Variants in MALRD1 observed in about 807,000 individuals in gnomAD.
The protein encoded by MALRD1 is MAM and LDL receptor class A domain containing 1.
MALRD1 carries 247 observed loss-of-function variants against 242.1 expected under a neutral mutation model. The ratio of observed to expected loss-of-function variants is 1.02; its 90% CI spans 0.92 to 1.13. MALRD1 has a LOEUF of 1.13. Among genes scored for constraint, MALRD1 ranks in the 50% most tolerant of loss-of-function variants. The probability of loss-of-function intolerance (pLI) is 0.00; values close to 1 mark genes in which losing one functional copy is unlikely to be tolerated. For synonymous variants in MALRD1, 995 were observed against 866.6 expected (o/e 1.15, Z -2.60); for missense variants, 2,989 against 2,533.1 (o/e 1.18, Z -3.86).
At chr10:19,556,314 C>T (rs1028014977) in intron 32 of MALRD1, among the ~76,000 whole-genome samples, 7 of 152,088 alleles carry the variant, frequency 4.6e-5, no homozygotes, top group African/African-American at 1.4e-4. Flanking sequence ...TTATAGTTTA[C>T]ACTAGGGCTT....
At chr10:19,295,911 A>G (rs1166585925) in intron 21 of MALRD1, among the ~76,000 whole-genome samples, 1 of 152,184 alleles carries the variant, frequency 6.6e-6, no homozygotes, top group East Asian at 1.9e-4. Flanking sequence ...ACAAATTCCC[A>G]GGTGATGCTG....
intron 26 of MALRD1, among the ~76,000 whole-genome samples, chr10:19,381,673 C>CAA (rs542568281): frequency 1.6e-3 from 195 of 118,574 alleles, no homozygotes; most frequent in African/African-American, 5.1e-3. Context: ...ACTAAAAATA[C>CAA]AAAAAAAAAA....
rs146252053 is a variant in MALRD1 at position 19,128,474 on chromosome 10, C to T, written c.1110+87C>T. On this transcript the variant is annotated intron_variant, in intron 8 of 39. Transcript: ENST00000454679. The stretch of plus-strand genomic sequence containing the variant: ...AACTTGTGTTTCGATTTCTCAGTTG[C>T]GCATAGGCTTTTATTCTTTAACTTG... 6.0e-5 allele frequency: 52 copies of T among 868,666 alleles called. No individual in the cohort carries two copies. In the East Asian group the frequency reaches 1.0e-3, roughly 17 times the overall value. 53.8% of individuals were successfully genotyped at this position (868,666 alleles called of 1,614,324 possible).
chr10:19,522,285 C>T (rs1833916593), intron 31 of MALRD1, among the ~76,000 whole-genome samples: 1 of 152,004 alleles, frequency 6.6e-6, no homozygotes, highest in Non-Finnish European at 1.5e-5. Context: ...CTTCATTGTA[C>T]CATTGTTTTG....
At chr10:19,345,853 A>C (rs1844097088) in intron 24 of MALRD1, among the ~76,000 whole-genome samples, 1 of 152,054 alleles carries the variant, frequency 6.6e-6, no homozygotes, top group Admixed American at 6.6e-5. Flanking sequence ...GGTGTAATAA[A>C]GTTAGCTTAC....
At chr10:19,607,364 C>T (rs74122021) in intron 34 of MALRD1, among the ~76,000 whole-genome samples, 2,052 of 152,230 alleles carry the variant, frequency 0.013, 34 homozygotes, top group African/African-American at 0.047. Flanking sequence ...CCTTGGCTTA[C>T]AGATGGCTGC....
At chr10:19,282,221 T>A (rs1840851256) in intron 20 of MALRD1, among the ~76,000 whole-genome samples, 1 of 152,164 alleles carries the variant, frequency 6.6e-6, no homozygotes, top group South Asian at 2.1e-4. Flanking sequence ...TTAATGTTTG[T>A]TTAGATTAAC....
intron 38 of MALRD1, among the ~76,000 whole-genome samples, chr10:19,713,541 G>T (rs1834242193): frequency 6.6e-6 from 1 of 152,214 alleles, no homozygotes; most frequent in South Asian, 2.1e-4. Flanking sequence ...TACATAGGTT[G>T]TCAACTTTTA....
At chr10:19,293,948 T>A (rs994758023) in intron 21 of MALRD1, among the ~76,000 whole-genome samples, 2 of 152,090 alleles carry the variant, frequency 1.3e-5, no homozygotes, top group African/African-American at 4.8e-5. Flanking sequence ...GTACATGGGA[T>A]TTAAGAGAAA....
chr10:19,073,170 C>T (rs1835209144), intron 2 of MALRD1, among the ~76,000 whole-genome samples: 1 of 152,102 alleles, frequency 6.6e-6, no homozygotes, highest in Middle Eastern at 3.2e-3. Flanking sequence ...CCACCTTGGC[C>T]TCCCGAAGTG....
chr10:19,679,258 G>A (rs1842265877), intron 36 of MALRD1, among the ~76,000 whole-genome samples: 1 of 152,138 alleles, frequency 6.6e-6, no homozygotes, highest in African/African-American at 2.4e-5. Flanking sequence ...TGTACCTCTG[G>A]TAGAATTCAG....
At chr10:19,668,089 C>T (rs1841756363) in intron 36 of MALRD1, among the ~76,000 whole-genome samples, 1 of 152,166 alleles carries the variant, frequency 6.6e-6, no homozygotes, top group Non-Finnish European at 1.5e-5. Flanking sequence ...AAAGACCCCA[C>T]CTCTGAATAT....
At chr10:19,603,392 A>G (rs1176556922) in intron 34 of MALRD1, among the ~76,000 whole-genome samples, 1 of 152,184 alleles carries the variant, frequency 6.6e-6, no homozygotes, top group Admixed American at 6.5e-5. Context: ...GAAGGGATCC[A>G]GTTTCAGCTT....
chr10:19,227,610 G>A (rs1049153266), intron 18 of MALRD1, among the ~76,000 whole-genome samples: 2 of 151,774 alleles, frequency 1.3e-5, no homozygotes, highest in Non-Finnish European at 2.9e-5. Flanking sequence ...ATAGTAAATT[G>A]GACTTCATGA....
intron 29 of MALRD1, among the ~76,000 whole-genome samples, chr10:19,451,184 T>C (rs1333857269): frequency 6.6e-6 from 1 of 152,220 alleles, no homozygotes; most frequent in African/African-American, 2.4e-5. Context: ...TACATGTATT[T>C]ACCTAATTTA....
chr10:19,131,470 C>T (rs1040470070), intron 8 of MALRD1, among the ~76,000 whole-genome samples: 3 of 152,180 alleles, frequency 2.0e-5, no homozygotes, highest in Non-Finnish European at 2.9e-5. Flanking sequence ...GTTAGATCTG[C>T]GTCCATGATC....
Position 19,205,012 on chromosome 10 carries a change from G to A in MALRD1, c.2325G>A (p.Leu775=). 1.3e-6 allele frequency: 2 copies of A among 1,550,828 alleles called. No individual in the cohort carries two copies. The highest frequency in any genetic ancestry group is 1.4e-5 in the African/African-American group (1 of 73,164). The stretch of plus-strand genomic sequence containing the variant: ...TATACAATCAGGGCAAACAATGGTT[G>A]GAGGCAACCATTCAGCTAGGGCGCC... ...RVLYNQGKQW[L]EATIQLGRLS... is the part of the protein sequence containing the mutation. The change falls in exon 17 of 40, where the codon TTG becomes TTA. Residue 775 remains leucine (L), a synonymous_variant. Transcript: ENST00000454679.
chr10:19,402,246 T>C (rs919131832), intron 28 of MALRD1, among the ~76,000 whole-genome samples: 2 of 152,168 alleles, frequency 1.3e-5, no homozygotes, highest in African/African-American at 2.4e-5. Context: ...GTCCCAGAGA[T>C]TGAGACCATC....
intron 29 of MALRD1, among the ~76,000 whole-genome samples, chr10:19,454,713 T>TACACACACACACAC (rs35489123): frequency 7.6e-6 from 1 of 132,330 alleles, no homozygotes; most frequent in African/African-American, 2.6e-5. Flanking sequence ...CGTGCACACG[T>TACACACACACACAC]ACACACACAC....
Sources: allele counts gnomAD v4.1 joint callset (sites outside exome capture counted in the v4.1 genomes callset), GRCh38; gene constraint gnomAD v4.1.1; transcripts MANE v1.5; gene names NCBI Gene and HGNC (gene_info 2026-07-23, HGNC 2026-07-21).